ZFHX3: variants seen among roughly 807,000 people sequenced by gnomAD.
ZFHX3 encodes the protein zinc finger homeobox protein 3.
ZFHX3 carries 42 observed loss-of-function variants against 279.1 expected under a neutral mutation model. The ratio of observed to expected loss-of-function variants is 0.15; its 90% CI spans 0.12 to 0.19. The LOEUF is 0.19. ZFHX3 is among the 10% of genes least tolerant of loss of function. The pLI is 1.00. For missense variants in ZFHX3, 4,981 were observed against 4,754.0 expected, an observed-to-expected ratio of 1.05 and a Z score of -1.40; for synonymous variants, 2,293 against 1,957.8, an observed-to-expected ratio of 1.17 and a Z score of -4.52.
chr16:73,527,873 C>G (rs2019722126), intron 2 of ZFHX3, among the ~76,000 whole-genome samples: 1 of 152,306 alleles, frequency 6.6e-6, no homozygotes, highest in South Asian at 2.1e-4. Flanking sequence ...TGATAGCAGC[C>G]TAAAGAGAGA....
chr16:73,010,813 T>A (rs565684847), intron 1 of ZFHX3, among the ~76,000 whole-genome samples: 1 of 152,268 alleles, frequency 6.6e-6, no homozygotes, highest in South Asian at 2.1e-4. Context: ...TTATTTTATT[T>A]TTTTACACAG....
At chr16:73,287,212 TGG>T (rs2014634833) in intron 4 of ZFHX3, among the ~76,000 whole-genome samples, 1 of 143,852 alleles carries the variant, frequency 7.0e-6, no homozygotes, top group Non-Finnish European at 1.5e-5. Context: ...TATGGCTGTG[TGG>T]GTTGGTGAGT....
intron 1 of ZFHX3, among the ~76,000 whole-genome samples, chr16:73,055,140 T>TA (rs966680519): frequency 1.3e-5 from 2 of 151,976 alleles, no homozygotes; most frequent in African/African-American, 4.8e-5. Flanking sequence ...TTTTTTTTTT[T>TA]AATAGTTTGT....
chr16:73,407,384 T>A (rs1032688225), intron 3 of ZFHX3, among the ~76,000 whole-genome samples: 2 of 152,214 alleles, frequency 1.3e-5, no homozygotes, highest in Non-Finnish European at 2.9e-5. Flanking sequence ...GAATGGTGGT[T>A]CACCCCTTGG....
chr16:73,602,937 CAA>C (rs796488687), intron 2 of ZFHX3, among the ~76,000 whole-genome samples: 1 of 144,106 alleles, frequency 6.9e-6, no homozygotes, highest in Non-Finnish European at 1.5e-5. Flanking sequence ...GACTCTGACT[CAA>C]AAAAAAAAAA....
intron 1 of ZFHX3, among the ~76,000 whole-genome samples, chr16:73,779,412 G>T (rs1959374706): frequency 8.5e-6 from 1 of 117,360 alleles, no homozygotes; most frequent in South Asian, 3.4e-4. Context: ...AGGAGGAGGT[G>T]GTGGTGTTTC....
chr16:73,319,140 G>A (rs966793521), intron 3 of ZFHX3, among the ~76,000 whole-genome samples: 3 of 152,124 alleles, frequency 2.0e-5, no homozygotes, highest in East Asian at 1.9e-4. Flanking sequence ...CACAAGGACC[G>A]GAGCAGGTAA....
chr16:72,783,367 A>G lies in ZFHX3; in HGVS notation c.*3797T>C, dbSNP rs1188107739. The G allele has an allele frequency of 6.6e-6, 1 of 152,522 alleles. No homozygotes were observed. Among genetic ancestry groups the G allele is most frequent in the African/African-American group, 2.4e-5 (1 of 41,426 alleles). The allele number at this position is 152,522 out of a possible 1,614,324, so 9.4% of individuals were successfully genotyped here. Reference sequence around the variant, plus strand: ...AGTGGGCAGTATCTCAGCGCCAACAAACAACTCAATTTATGCTTCTATTTA... The same window carrying G: ...AGTGGGCAGTATCTCAGCGCCAACAGACAACTCAATTTATGCTTCTATTTA... On this transcript the variant is annotated 3_prime_UTR_variant, in exon 10 of 10. Coordinates refer to ENST00000268489, the MANE Select transcript of ZFHX3 (RefSeq NM_006885.4).
chr16:72,940,913 A>ATTT (rs1960380324), intron 3 of ZFHX3, among the ~76,000 whole-genome samples: 1 of 152,242 alleles, frequency 6.6e-6, no homozygotes, highest in African/African-American at 2.4e-5. Flanking sequence ...ATTAGTCCCA[A>ATTT]TTTAAACCTA....
chr16:73,709,357 AG>A (rs1179633682), intron 1 of ZFHX3, among the ~76,000 whole-genome samples: 4 of 151,648 alleles, frequency 2.6e-5, no homozygotes, highest in African/African-American at 4.8e-5. Flanking sequence ...AGAGAGAGAG[AG>A]AGAGAGAGAG....
At chr16:73,813,562 C>A (rs1324953041) in intron 1 of ZFHX3, among the ~76,000 whole-genome samples, 1 of 151,462 alleles carries the variant, frequency 6.6e-6, no homozygotes, top group Non-Finnish European at 1.5e-5. Flanking sequence ...CATTGCATAC[C>A]CCTTCCTTCA....
In ZFHX3 at chr16:73,527,309, C is replaced by A. The variant is rs547694620; in HGVS notation, c.-1546-71051G>T. ...CTTCCCAGCAAGAGGCCCCATTTAC[C>A]TTGCATTCTGTCAAAAAGGAGAAAA... On this transcript the variant is annotated intron_variant, in intron 2 of 17. Transcript: ENST00000641206. 9.9e-5 allele frequency among the ~76,000 whole-genome samples: 15 copies of A among 152,270 alleles called. No homozygotes were observed. In the Middle Eastern group the frequency reaches 0.014, roughly 138 times the overall value.
chr16:73,741,994 C>T (rs1374218745), intron 1 of ZFHX3, among the ~76,000 whole-genome samples: 1 of 152,196 alleles, frequency 6.6e-6, no homozygotes, highest in African/African-American at 2.4e-5. Flanking sequence ...AGAAGTCCAG[C>T]TATTGCTCCT....
At chr16:73,440,769 C>A (rs2018078775) in intron 3 of ZFHX3, among the ~76,000 whole-genome samples, 1 of 152,188 alleles carries the variant, frequency 6.6e-6, no homozygotes, top group Non-Finnish European at 1.5e-5. Flanking sequence ...ATCAGTCTCT[C>A]AAAATCTGTT....
intron 4 of ZFHX3, among the ~76,000 whole-genome samples, chr16:72,837,400 A>C (rs2037219350): frequency 6.6e-6 from 1 of 152,158 alleles, no homozygotes; most frequent in South Asian, 2.1e-4. Flanking sequence ...CAGCCCTCTA[A>C]AAGTGGAGAA....
At chr16:73,160,316 C>T (rs1042124092) in intron 5 of ZFHX3, among the ~76,000 whole-genome samples, 1 of 152,036 alleles carries the variant, frequency 6.6e-6, no homozygotes, top group African/African-American at 2.4e-5. Flanking sequence ...AATAAATAGC[C>T]CGTCAACCAA....
intron 3 of ZFHX3, among the ~76,000 whole-genome samples, chr16:73,387,771 C>T (rs1256423820): frequency 6.6e-6 from 1 of 151,940 alleles, no homozygotes; most frequent in Non-Finnish European, 1.5e-5. Flanking sequence ...TCTTTATACA[C>T]AAGTCGCACA....
In ZFHX3 at chr16:73,378,564, G is replaced by C. The variant is rs139209793; in HGVS notation, c.-1290-60228C>G. Among the ~76,000 whole-genome samples, 18 of 152,258 alleles carry C rather than the reference G, an allele frequency of 1.2e-4. No homozygotes were observed. In the Middle Eastern group the frequency reaches 0.014, roughly 115 times the overall value. ...TAAAAAAACTATAAAAATACGTACA[G>C]ATAAATTTAAGATAAAAGACATGCT... On this transcript the variant is annotated intron_variant, in intron 3 of 17. Transcript: ENST00000641206.
intron 2 of ZFHX3, among the ~76,000 whole-genome samples, chr16:73,496,703 G>A (rs1216395269): frequency 6.6e-6 from 1 of 152,138 alleles, no homozygotes; most frequent in East Asian, 1.9e-4. Flanking sequence ...ATATTCTGTG[G>A]GGCGGGGCTT....
Sources: allele counts gnomAD v4.1 joint callset (sites outside exome capture counted in the v4.1 genomes callset), GRCh38; gene constraint gnomAD v4.1.1; transcripts MANE v1.5; gene names NCBI Gene and HGNC (gene_info 2026-07-23, HGNC 2026-07-21).